Variants in PNISR observed in about 807,000 individuals in gnomAD.
The protein encoded by PNISR is PNN interacting serine and arginine rich protein, also known as arginine/serine-rich protein PNISR.
Under a neutral mutation model 93.4 loss-of-function variants are expected in PNISR, and 20 were observed. The ratio of observed to expected loss-of-function variants is 0.21; its 90% CI spans 0.15 to 0.31. The LOEUF (loss-of-function observed/expected upper bound fraction) is 0.31. Ranked by LOEUF, PNISR falls within the 10% of genes least tolerant of loss-of-function variation. The pLI is 1.00. For missense variants in PNISR, 893 were observed against 985.4 expected, an observed-to-expected ratio of 0.91 and a Z score of 1.25; for synonymous variants, 305 against 306.5, an observed-to-expected ratio of 0.99 and a Z score of 0.05.
chr6:99,402,889 G>A, intron 10 of PNISR, 179 bp from the exon 11 acceptor site: 1 of 441,356 alleles, frequency 2.3e-6, no homozygotes, highest in East Asian at 3.2e-5. Flanking sequence ...GAACCTTCAG[G>A]CAAAGGTTAC....
Position 99,410,976 on chromosome 6 carries a change from T to G in PNISR, c.278-12A>C. The G allele has an allele frequency of 6.3e-7, 1 of 1,594,042 alleles. No homozygotes were observed. Among genetic ancestry groups the G allele is most frequent in the Non-Finnish European group, 8.6e-7 (1 of 1,162,862 alleles). On this transcript the variant is annotated splice_polypyrimidine_tract_variant and intron_variant, in intron 4 of 11. Transcript: ENST00000369239. ...ATGCATTCCCCATTCTATTTAAGAT[T>G]TAGGCATAAAAACATTCAACAGGCG...
At chr6:99,411,819 AGGGCCTT>A (rs1776971264) in intron 4 of PNISR, 2 of 149,542 alleles carry the variant, frequency 1.3e-5, no homozygotes, top group African/African-American at 5.0e-5. Flanking sequence ...TTGTAGAGAC[AGGGCCTT>A]GCTATGTTGC....
intron 5 of PNISR, 200 bp downstream of exon 5, chr6:99,410,541 C>A: frequency 1.9e-6 from 1 of 526,776 alleles, no homozygotes. Context: ...ATCTTTTATA[C>A]CATTTTCCTA....
At chr6:99,403,676 G>A (rs1775799518) in intron 10 of PNISR, 153 bp downstream of exon 10, 1 of 476,312 alleles carries the variant, frequency 2.1e-6, no homozygotes, top group Non-Finnish European at 3.8e-6. Context: ...CAAAAAAATA[G>A]GCAAACCTTT....
chr6:99,407,956 C>T (rs926714931), intron 7 of PNISR, 125 bp downstream of exon 7: 11 of 668,496 alleles, frequency 1.6e-5, no homozygotes, highest in Non-Finnish European at 2.8e-5. Flanking sequence ...CCTCAATATA[C>T]TTAATGAACG....
Position 99,400,864 on chromosome 6 carries a change from T to C in PNISR, c.2094A>G (p.Glu698=), listed in dbSNP as rs1216177790. The C allele has an allele frequency of 1.9e-6, 3 of 1,598,310 alleles. No individual in the cohort carries two copies. Among genetic ancestry groups the C allele is most frequent in the Non-Finnish European group, 2.6e-6 (3 of 1,170,652 alleles). ...GACTACTGAACTTAAAATCTTTTTC[T>C]TCCCTTTTTTGTTTCTCTTTTCTTT... is the stretch of plus-strand genomic sequence containing the variant. The part of the protein sequence containing the change: ...QDKRKEKQKR[E]EKDFKFSSQD... Residue 698 remains glutamate (E), a synonymous_variant, in exon 12 of 12, where the codon GAA becomes GAG. Transcript: ENST00000369239.
rs1582793166 is a variant in PNISR, at chr6:99,408,222, T to C, written c.723A>G (p.Glu241=). 2 of 1,613,866 alleles carry C rather than the reference T, an allele frequency of 1.2e-6. No homozygotes were observed. The highest frequency in any genetic ancestry group is 1.7e-6 in the Non-Finnish European group (2 of 1,179,820). ...TLPAWIREGL[E]KMEREKQKKL... The stretch of plus-strand genomic sequence containing the variant: ...TCTTCTGCTTTTCACGTTCCATTTT[T>C]TCAAGACCTTCGCGAATCCAAGCGG... The change falls in exon 7 of 12, where the codon GAA becomes GAG. Residue 241 remains glutamate (E), a synonymous_variant. Coordinates refer to ENST00000369239, the MANE Select transcript of PNISR (RefSeq NM_032870.4).
chr6:99,413,439 C>G (rs1204057119), intron 3 of PNISR, among the ~76,000 whole-genome samples: 2 of 148,938 alleles, frequency 1.3e-5, no homozygotes, highest in East Asian at 3.9e-4. Flanking sequence ...TCCATCCATT[C>G]ATCCATGATC....
intron 11 of PNISR, among the ~76,000 whole-genome samples, chr6:99,401,973 C>T (rs771440645): frequency 2.0e-4 from 30 of 152,116 alleles, no homozygotes; most frequent in Non-Finnish European, 4.0e-4. Context: ...TAGTTAGTTA[C>T]GTTACCCTCC....
intron 3 of PNISR, among the ~76,000 whole-genome samples, chr6:99,414,228 T>A (rs1777364677): frequency 1.3e-5 from 2 of 152,226 alleles, no homozygotes; most frequent in African/African-American, 4.8e-5. Flanking sequence ...TAGCACACCA[T>A]CCAGTTCAAT....
chr6:99,402,695 T>C lies in PNISR; in HGVS notation c.1172A>G (p.Tyr391Cys). The change falls in exon 11 of 12, where the codon TAT becomes TGT. Residue 391 changes from tyrosine to cysteine, a missense_variant. By Grantham distance (194) the Tyr-to-Cys change is radical. Around this residue, in one of 3 missense-constraint regions of PNISR, gnomAD observed 866 missense variants for 935.1 expected, o/e 0.93. Coordinates refer to ENST00000369239, the MANE Select transcript of PNISR (RefSeq NM_032870.4). Reference protein sequence around the residue: ...SLTGLGGLGGYGSGDSEDERS... With the variant: ...SLTGLGGLGGCGSGDSEDERS... ...CTCATCTTCACTGTCTCCTGATCCA[T>C]AACCACCCAGTCCACCTGTGTGCAT... 2 of 1,597,196 alleles carry C rather than the reference T, an allele frequency of 1.3e-6. No homozygotes were observed. Among genetic ancestry groups the C allele is most frequent in the Non-Finnish European group, 1.7e-6 (2 of 1,169,204 alleles).
intron 1 of PNISR, among the ~76,000 whole-genome samples, chr6:99,416,661 G>T (rs1320364538): frequency 6.6e-6 from 1 of 151,962 alleles, no homozygotes; most frequent in Non-Finnish European, 1.5e-5. Context: ...TTATTTACTT[G>T]AACAATTCCT....
intron 1 of PNISR, among the ~76,000 whole-genome samples, chr6:99,417,766 G>A (rs1777898048): frequency 6.6e-6 from 1 of 151,952 alleles, no homozygotes; most frequent in Admixed American, 6.6e-5. Context: ...AGGCATTCAG[G>A]ACCAGCCTGA....
At chr6:99,414,874 C>T in intron 2 of PNISR, 184 bp from the exon 3 acceptor site, 1 of 355,516 alleles carries the variant, frequency 2.8e-6, no homozygotes, top group Non-Finnish European at 5.0e-6. Context: ...TATGTTAATG[C>T]TGGTCTCAGA....
chr6:99,405,319 T>G (rs772514110), intron 8 of PNISR, among the ~76,000 whole-genome samples: 3 of 151,684 alleles, frequency 2.0e-5, no homozygotes, highest in Non-Finnish European at 2.9e-5. Context: ...ATACAAAAAT[T>G]AGCCAGGCAT....
chr6:99,407,726 A>G (rs751190639), intron 7 of PNISR, among the ~76,000 whole-genome samples: 26 of 152,220 alleles, frequency 1.7e-4, no homozygotes, highest in South Asian at 4.1e-4. Context: ...ATCCTCAGGT[A>G]TATGTTTAAA....
At chr6:99,405,538 G>T (rs1011430581) in intron 8 of PNISR, among the ~76,000 whole-genome samples, 2 of 152,096 alleles carry the variant, frequency 1.3e-5, no homozygotes, top group Admixed American at 1.3e-4. Context: ...TATCTGTATA[G>T]TAGACACACT....
chr6:99,412,826 T>G, intron 3 of PNISR, 87 bp from the exon 4 acceptor site: 2 of 808,942 alleles, frequency 2.5e-6, no homozygotes, highest in Non-Finnish European at 1.8e-6. Context: ...GCTCAACTAT[T>G]CCTTAGATCT....
At position 99,406,048 on chromosome 6, in the gene PNISR, C is replaced by T. The variant is rs1776124583; in HGVS notation, c.985G>A (p.Glu329Lys). The T allele has an allele frequency of 6.2e-7, 1 of 1,609,676 alleles. No homozygotes were observed. Among genetic ancestry groups the T allele is most frequent in the Non-Finnish European group, 8.5e-7 (1 of 1,177,412 alleles). Reference protein sequence around the residue: ...EHSDPEMTEEEKEYQMMLLTK... With the variant: ...EHSDPEMTEEKKEYQMMLLTK... ...CATTCTACCATTTGATACTCTTTCT[C>T]CTCTTCAGTCATCTCAGGGTCACTG... The change falls in exon 8 of 12, where the codon GAG becomes AAG. Residue 329 changes from glutamate (E) to lysine (K), a missense_variant. Physicochemically the swap from Glu to Lys is moderately conservative, Grantham distance 56. Transcript: ENST00000369239.
Sources: allele counts gnomAD v4.1 joint callset (sites outside exome capture counted in the v4.1 genomes callset), GRCh38; gene constraint gnomAD v4.1.1; regional missense constraint gnomAD v4.1.1; transcripts MANE v1.5; gene names NCBI Gene and HGNC (gene_info 2026-07-23, HGNC 2026-07-21).